Variants in ANKFN1 observed in about 807,000 individuals in gnomAD.
ANKFN1 encodes the protein ankyrin repeat and fibronectin type-III domain-containing protein 1.
A neutral mutation model predicts 108.7 loss-of-function variants in ANKFN1; 74 were observed. The observed-to-expected ratio is 0.68, with a 90% confidence interval of 0.56 to 0.83. The LOEUF (loss-of-function observed/expected upper bound fraction) is 0.83, where lower values mean the gene tolerates loss of function less well. ANKFN1 is among the 40% of genes least tolerant of loss of function. The pLI is 0.00. For missense variants in ANKFN1, 1,505 were observed against 1,382.3 expected, an observed-to-expected ratio of 1.09 and a Z score of -1.41; for synonymous variants, 547 against 516.2, an observed-to-expected ratio of 1.06 and a Z score of -0.81.
intron 2 of ANKFN1, among the ~76,000 whole-genome samples, chr17:56,227,652 C>G (rs756123789): frequency 7.9e-5 from 12 of 152,072 alleles, no homozygotes; most frequent in Non-Finnish European, 1.5e-4. Flanking sequence ...AAGTGAGCAT[C>G]AAGTAGTCTT....
chr17:56,401,325 A>AGTATTGTATT (rs1176791583), intron 8 of ANKFN1, among the ~76,000 whole-genome samples: 1,498 of 143,498 alleles, frequency 0.01, 43 homozygotes, highest in African/African-American at 0.038. Context: ...TACATTCCGA[A>AGTATTGTATT]GTATTGTATT....
chr17:56,447,201 T>C (rs1196081083), intron 10 of ANKFN1, among the ~76,000 whole-genome samples: 1 of 152,076 alleles, frequency 6.6e-6, no homozygotes, highest in African/African-American at 2.4e-5. Flanking sequence ...CCAGCGTGGG[T>C]GACAGAGCAA....
chr17:56,121,649 A>C (rs1331363010), intron 4 of ANKFN1, among the ~76,000 whole-genome samples: 1 of 152,052 alleles, frequency 6.6e-6, no homozygotes, highest in Non-Finnish European at 1.5e-5. Flanking sequence ...GAGAGGTCTG[A>C]ATATGGGAAT....
chr17:56,242,304 A>G (rs1917640709), intron 3 of ANKFN1, among the ~76,000 whole-genome samples: 1 of 152,080 alleles, frequency 6.6e-6, no homozygotes, highest in African/African-American at 2.4e-5. Flanking sequence ...GAGAATTGGC[A>G]TCTTTGTTAT....
At chr17:56,189,677 C>T (rs1408695899) in intron 1 of ANKFN1, among the ~76,000 whole-genome samples, 1 of 152,156 alleles carries the variant, frequency 6.6e-6, no homozygotes, top group East Asian at 1.9e-4. Context: ...TCCAAAAACA[C>T]TATCTGCAAA....
intron 4 of ANKFN1, among the ~76,000 whole-genome samples, chr17:56,346,187 TCA>T (rs2046094702): frequency 6.6e-6 from 1 of 152,098 alleles, no homozygotes; most frequent in Admixed American, 6.6e-5. Flanking sequence ...TTGTTGAAGA[TCA>T]GATGGTTGTA....
At chr17:56,426,918 G>A (rs1471370290) in intron 8 of ANKFN1, among the ~76,000 whole-genome samples, 2 of 152,122 alleles carry the variant, frequency 1.3e-5, no homozygotes, top group African/African-American at 4.8e-5. Context: ...GGGAAGCTGT[G>A]GAAGCTTCTT....
chr17:56,182,295 C>G (rs1200869315), intron 1 of ANKFN1, among the ~76,000 whole-genome samples: 2 of 152,150 alleles, frequency 1.3e-5, no homozygotes, highest in East Asian at 1.9e-4. Flanking sequence ...AGCTAAGTCT[C>G]TTGTGCCAAG....
intron 4 of ANKFN1, among the ~76,000 whole-genome samples, chr17:56,049,839 C>T (rs1430422074): frequency 2.0e-5 from 3 of 149,736 alleles, no homozygotes; most frequent in African/African-American, 4.9e-5. Context: ...GTGAATAATG[C>T]CGCAATAAAC....
intron 4 of ANKFN1, among the ~76,000 whole-genome samples, chr17:56,097,611 A>G (rs1453460577): frequency 6.6e-6 from 1 of 152,206 alleles, no homozygotes; most frequent in East Asian, 1.9e-4. Flanking sequence ...TCCGCAGTCT[A>G]AGCAGAGTCC....
At chr17:56,248,496 A>G (rs2043166039) in intron 3 of ANKFN1, among the ~76,000 whole-genome samples, 1 of 152,208 alleles carries the variant, frequency 6.6e-6, no homozygotes, top group South Asian at 2.1e-4. Context: ...GTCTGGATAA[A>G]TATTTGTTGA....
chr17:56,490,806 T>G (rs1022277000), intron 18 of ANKFN1, among the ~76,000 whole-genome samples: 2 of 151,670 alleles, frequency 1.3e-5, no homozygotes, highest in African/African-American at 4.8e-5. Flanking sequence ...GAGAAAAACC[T>G]CCTTGAAATG....
At chr17:56,229,414 TTTC>T (rs1393201986) in intron 3 of ANKFN1, among the ~76,000 whole-genome samples, 2 of 152,074 alleles carry the variant, frequency 1.3e-5, no homozygotes, top group African/African-American at 2.4e-5. Flanking sequence ...CTATGTTTAC[TTTC>T]TTGCATATTC....
Position 56,232,178 on chromosome 17 carries a change from A to G in ANKFN1, c.53+4221A>G, listed in dbSNP as rs546792921. On this transcript the variant is annotated intron_variant, in intron 3 of 20. Transcript: ENST00000682825. Reference sequence around the variant, plus strand: ...CAGGCTAAACATCCTCAATTTCTTCAGCCATTCTTCACACGACTTGGTTTA... The same window carrying G: ...CAGGCTAAACATCCTCAATTTCTTCGGCCATTCTTCACACGACTTGGTTTA... 3.9e-5 allele frequency among the ~76,000 whole-genome samples: 6 copies of G among 152,234 alleles called. No individual in the cohort carries two copies. The East Asian group carries it at 1.2e-3, about 29-fold the overall frequency.
At chr17:56,418,191 G>C (rs1173744872) in intron 8 of ANKFN1, among the ~76,000 whole-genome samples, 2 of 151,942 alleles carry the variant, frequency 1.3e-5, no homozygotes, top group Admixed American at 1.3e-4. Context: ...TTAAATAATC[G>C]AAACTATTTG....
chr17:56,169,722 G>A (rs1242928569), intron 1 of ANKFN1, among the ~76,000 whole-genome samples: 1 of 152,136 alleles, frequency 6.6e-6, no homozygotes, highest in African/African-American at 2.4e-5. Context: ...AGGAGACAGC[G>A]CCAAGCCATC....
chr17:56,187,685 A>C (rs1180260829), intron 1 of ANKFN1, among the ~76,000 whole-genome samples: 1 of 152,184 alleles, frequency 6.6e-6, no homozygotes, highest in East Asian at 1.9e-4. Context: ...ACCAACCCAA[A>C]TGTCCATCAA....
chr17:56,498,334 C>A (rs1367417553), intron 19 of ANKFN1, among the ~76,000 whole-genome samples: 1 of 152,096 alleles, frequency 6.6e-6, no homozygotes. Context: ...CATATAAGAA[C>A]TAGGACTACA....
intron 8 of ANKFN1, among the ~76,000 whole-genome samples, chr17:56,434,449 A>G (rs1181820916): frequency 6.6e-6 from 1 of 151,894 alleles, no homozygotes; most frequent in Non-Finnish European, 1.5e-5. Flanking sequence ...AATTTAAATC[A>G]TTGTTTTTCT....
Sources: allele counts gnomAD v4.1 joint callset (sites outside exome capture counted in the v4.1 genomes callset), GRCh38; gene constraint gnomAD v4.1.1; transcripts MANE v1.5; gene names NCBI Gene and HGNC (gene_info 2026-07-23, HGNC 2026-07-21).